The following TBC1D12 variants were observed in gnomAD, a reference collection of about 807,000 sequenced individuals.
TBC1D12 encodes the protein TBC1 domain family, member 12.
In TBC1D12, 56 loss-of-function variants were observed where a neutral mutation model predicts 86.7. The observed-to-expected ratio is 0.65, with a 90% CI of 0.52 to 0.81. The LOEUF (loss-of-function observed/expected upper bound fraction) is 0.81. TBC1D12 is among the 30% of genes least tolerant of loss of function. The pLI is 0.00. For missense variants in TBC1D12, 1,023 were observed against 1,038.8 expected (o/e 0.98, Z 0.21); for synonymous variants, 421 against 411.7 (o/e 1.02, Z -0.27).
intron 3 of TBC1D12, among the ~76,000 whole-genome samples, chr10:94,487,344 T>G (rs1459775066): frequency 1.3e-5 from 2 of 151,930 alleles, no homozygotes; most frequent in African/African-American, 4.8e-5. Flanking sequence ...AACTTACTCT[T>G]GCCATTTTGT....
intron 7 of TBC1D12, chr10:94,508,724 C>A (rs190400877): frequency 6.6e-6 from 1 of 151,980 alleles, no homozygotes; most frequent in South Asian, 2.1e-4. Flanking sequence ...TTTTCTCTAG[C>A]GCATATCAGC....
chr10:94,465,631 G>A (rs2055795192), intron 2 of TBC1D12, among the ~76,000 whole-genome samples: 1 of 147,146 alleles, frequency 6.8e-6, no homozygotes, highest in African/African-American at 2.6e-5. Flanking sequence ...GGGCGACAGA[G>A]CAAGACTCTT....
At chr10:94,472,198 G>A (rs1162851288) in intron 2 of TBC1D12, among the ~76,000 whole-genome samples, 1 of 152,112 alleles carries the variant, frequency 6.6e-6, no homozygotes, top group Non-Finnish European at 1.5e-5. Context: ...GAGCCCAGGA[G>A]TTCAAGAACA....
rs571229109 is a variant in TBC1D12 at position 94,434,367 on chromosome 10, G to A, written c.972-7529G>A. On this transcript the variant is annotated intron_variant, in intron 1 of 12. Coordinates refer to ENST00000225235, the MANE Select transcript of TBC1D12 (RefSeq NM_015188.2). ...CTAAAAATACAAAAATTAGCCAGGC[G>A]TGGTGGTGTGCGCCTGTAATCCCAG... Among the ~76,000 whole-genome samples, 45 of 151,882 alleles carry A rather than the reference G, an allele frequency of 3.0e-4. No homozygotes were observed. In the South Asian group the frequency reaches 8.1e-3, roughly 27 times the overall value.
intron 5 of TBC1D12, among the ~76,000 whole-genome samples, chr10:94,498,612 C>A (rs977753074): frequency 6.6e-6 from 1 of 152,038 alleles, no homozygotes; most frequent in Non-Finnish European, 1.5e-5. Flanking sequence ...TGCCACCATA[C>A]CCGGCTAATT....
intron 1 of TBC1D12, among the ~76,000 whole-genome samples, chr10:94,435,996 CT>C (rs2055289581): frequency 6.6e-6 from 1 of 152,104 alleles, no homozygotes; most frequent in African/African-American, 2.4e-5. Context: ...GTTGTTTATT[CT>C]TTCTCCATTG....
intron 1 of TBC1D12, among the ~76,000 whole-genome samples, chr10:94,434,504 TAAA>T (rs78126071): frequency 3.7e-5 from 5 of 135,320 alleles, no homozygotes; most frequent in Admixed American, 7.4e-5. Flanking sequence ...AGACTCCATT[TAAA>T]AAAAAAAAAA....
intron 3 of TBC1D12, among the ~76,000 whole-genome samples, chr10:94,488,150 C>T (rs2056195534): frequency 6.6e-6 from 1 of 151,956 alleles, no homozygotes; most frequent in Non-Finnish European, 1.5e-5. Flanking sequence ...CTTTGGAAGG[C>T]TGAGGCAGGT....
At chr10:94,488,199 A>T (rs1004627718) in intron 3 of TBC1D12, among the ~76,000 whole-genome samples, 32 of 150,722 alleles carry the variant, frequency 2.1e-4, no homozygotes, top group African/African-American at 7.1e-4. Context: ...TAGCCTGGCC[A>T]ACATGGTGAA....
At chr10:94,516,387 T>C (rs1009833121) in intron 9 of TBC1D12, among the ~76,000 whole-genome samples, 1 of 152,204 alleles carries the variant, frequency 6.6e-6, no homozygotes, top group African/African-American at 2.4e-5. Context: ...ATTTTTTTGG[T>C]TGGGCATATA....
At chr10:94,520,288 C>G (rs1246398303) in intron 9 of TBC1D12, among the ~76,000 whole-genome samples, 1 of 151,974 alleles carries the variant, frequency 6.6e-6, no homozygotes, top group Non-Finnish European at 1.5e-5. Flanking sequence ...TGCAGTGGCT[C>G]ACGCCTGTAA....
At chr10:94,451,905 A>G (rs1441976059) in intron 2 of TBC1D12, among the ~76,000 whole-genome samples, 1 of 152,004 alleles carries the variant, frequency 6.6e-6, no homozygotes, top group African/African-American at 2.4e-5. Flanking sequence ...CTCAAGTGCC[A>G]ACTCTTTTGA....
At chr10:94,406,317 C>G (rs1481348835) in intron 1 of TBC1D12, among the ~76,000 whole-genome samples, 1 of 152,152 alleles carries the variant, frequency 6.6e-6, no homozygotes, top group African/African-American at 2.4e-5. Context: ...GATTTGAAGT[C>G]AGAAAACAGG....
At chr10:94,524,069 C>G (rs1842223562) in intron 11 of TBC1D12, among the ~76,000 whole-genome samples, 1 of 152,122 alleles carries the variant, frequency 6.6e-6, no homozygotes, top group African/African-American at 2.4e-5. Context: ...TTTTGTTTGT[C>G]ATATTAAGAC....
chr10:94,431,286 G>A (rs113655672), intron 1 of TBC1D12, among the ~76,000 whole-genome samples: 36 of 151,782 alleles, frequency 2.4e-4, no homozygotes, highest in African/African-American at 7.0e-4. Context: ...GTGGTGGCAC[G>A]CACCTGTAAT....
intron 2 of TBC1D12, among the ~76,000 whole-genome samples, chr10:94,470,237 G>GT (rs2055883984): frequency 6.6e-6 from 1 of 152,146 alleles, no homozygotes; most frequent in Admixed American, 6.5e-5. Context: ...GGAATATTCA[G>GT]TTTTAAGAGC....
chr10:94,474,884 G>T (rs2055965584), intron 3 of TBC1D12, 101 bp downstream of exon 3: 5 of 1,087,788 alleles, frequency 4.6e-6, no homozygotes, highest in Non-Finnish European at 5.3e-6. Context: ...ATTGAGAAAG[G>T]ATTTAATTTT....
intron 1 of TBC1D12, among the ~76,000 whole-genome samples, chr10:94,429,977 C>G (rs2055193925): frequency 6.6e-6 from 1 of 152,086 alleles, no homozygotes; most frequent in African/African-American, 2.4e-5. Context: ...CGCAAGATAC[C>G]CACCTGCCTT....
At chr10:94,414,190 TAAA>T (rs1157621061) in intron 1 of TBC1D12, among the ~76,000 whole-genome samples, 1 of 152,202 alleles carries the variant, frequency 6.6e-6, no homozygotes. Context: ...AAGAAGATGA[TAAA>T]GAAGATTTGA....
Sources: gnomAD v4.1 joint callset for allele counts (sites outside exome capture counted in the v4.1 genomes callset) on GRCh38, gnomAD v4.1.1 for gene constraint, MANE v1.5 for transcripts, NCBI Gene and HGNC (gene_info 2026-07-23, HGNC 2026-07-21) for gene names.